The following NRXN3 variants were observed in gnomAD, a reference collection of about 807,000 sequenced individuals.
The protein encoded by NRXN3 is neurexin 3, also known as neurexin III.
NRXN3 carries 32 observed loss-of-function variants against 137.6 expected under a neutral mutation model. The observed-to-expected ratio is 0.23, with a 90% CI of 0.18 to 0.31. The LOEUF (loss-of-function observed/expected upper bound fraction) is 0.31. Ranked by LOEUF, NRXN3 falls within the 10% of genes least tolerant of loss-of-function variation. The pLI is 1.00. For missense variants in NRXN3, 1,574 were observed against 2,062.5 expected, an observed-to-expected ratio of 0.76 and a Z score of 4.59; for synonymous variants, 798 against 784.5, an observed-to-expected ratio of 1.02 and a Z score of -0.29.
intron 2 of NRXN3, among the ~76,000 whole-genome samples, chr14:78,266,458 C>T (rs911703671): frequency 3.3e-5 from 5 of 152,068 alleles, no homozygotes; most frequent in African/African-American, 1.2e-4. Context: ...ACCACCACGC[C>T]CAGCTAATTT....
intron 4 of NRXN3, among the ~76,000 whole-genome samples, chr14:78,642,571 A>G (rs920319657): frequency 3.3e-5 from 5 of 152,180 alleles, no homozygotes; most frequent in Admixed American, 2.0e-4. Context: ...GACACCCATT[A>G]ATATACCACT....
intron 15 of NRXN3, among the ~76,000 whole-genome samples, chr14:79,463,664 A>G (rs1384523705): frequency 6.6e-6 from 1 of 152,072 alleles, no homozygotes; most frequent in Non-Finnish European, 1.5e-5. Flanking sequence ...TACTATAGCA[A>G]TTTTTTCTTC....
At chr14:79,045,015 C>T (rs1293624398) in intron 15 of NRXN3, among the ~76,000 whole-genome samples, 1 of 152,080 alleles carries the variant, frequency 6.6e-6, no homozygotes, top group Non-Finnish European at 1.5e-5. Context: ...GTCATAAAAA[C>T]CATGGCGTCT....
chr14:79,678,926 G>A (rs1354291267), intron 17 of NRXN3, among the ~76,000 whole-genome samples: 4 of 152,004 alleles, frequency 2.6e-5, no homozygotes, highest in African/African-American at 7.2e-5. Flanking sequence ...CACCCGGTCC[G>A]TTTCCCTGCT....
intron 15 of NRXN3, among the ~76,000 whole-genome samples, chr14:79,056,131 T>C (rs1262868785): frequency 6.6e-6 from 1 of 152,158 alleles, no homozygotes; most frequent in African/African-American, 2.4e-5. Flanking sequence ...TAGGAATGCA[T>C]AGAAGAACAC....
At chr14:79,743,304 C>T (rs1045088561) in intron 19 of NRXN3, among the ~76,000 whole-genome samples, 2 of 152,078 alleles carry the variant, frequency 1.3e-5, no homozygotes, top group Non-Finnish European at 2.9e-5. Context: ...CTTCATTTTT[C>T]CCTCATTAAA....
At chr14:79,013,156 C>A (rs2152406674) in intron 15 of NRXN3, among the ~76,000 whole-genome samples, 1 of 152,224 alleles carries the variant, frequency 6.6e-6, no homozygotes, top group Non-Finnish European at 1.5e-5. Context: ...GAAATTCCAG[C>A]AATTCAGAAA....
chr14:79,478,294 C>T (rs943499567), intron 16 of NRXN3, among the ~76,000 whole-genome samples: 3 of 151,318 alleles, frequency 2.0e-5, no homozygotes, highest in Non-Finnish European at 2.9e-5. Flanking sequence ...TAGGGGATAA[C>T]CTAGATAGTG....
intron 10 of NRXN3, among the ~76,000 whole-genome samples, chr14:78,814,545 G>A (rs1337404818): frequency 1.3e-5 from 2 of 152,194 alleles, no homozygotes; most frequent in Non-Finnish European, 2.9e-5. Flanking sequence ...AATCCAGGAG[G>A]CGGAGGTTGC....
chr14:78,658,185 A>G (rs2152668019), intron 6 of NRXN3, among the ~76,000 whole-genome samples: 1 of 152,294 alleles, frequency 6.6e-6, no homozygotes, highest in East Asian at 1.9e-4. Context: ...TGAGGCTTTT[A>G]GAATCAACAT....
chr14:79,476,323 G>T (rs1375180747), intron 16 of NRXN3, among the ~76,000 whole-genome samples: 2 of 152,016 alleles, frequency 1.3e-5, no homozygotes, highest in Non-Finnish European at 2.9e-5. Flanking sequence ...AACTACATTA[G>T]CCTCACAGAT....
At chr14:79,718,758 A>AT (rs953418134) in intron 19 of NRXN3, among the ~76,000 whole-genome samples, 9 of 151,572 alleles carry the variant, frequency 5.9e-5, no homozygotes, top group South Asian at 2.1e-4. Flanking sequence ...GCAGTTTTTA[A>AT]TTTTTTTTTA....
chr14:78,915,935 T>A (rs908874530), intron 10 of NRXN3, among the ~76,000 whole-genome samples: 3 of 152,164 alleles, frequency 2.0e-5, no homozygotes, highest in African/African-American at 7.2e-5. Context: ...TAGTGCAGAC[T>A]GTAATTCAAT....
chr14:78,873,869 T>C (rs1043630879), intron 10 of NRXN3, among the ~76,000 whole-genome samples: 1 of 152,136 alleles, frequency 6.6e-6, no homozygotes, highest in African/African-American at 2.4e-5. Context: ...GAAAGGATTT[T>C]ATTAGAAAAA....
intron 10 of NRXN3, among the ~76,000 whole-genome samples, chr14:78,894,518 A>T (rs2099167965): frequency 6.6e-6 from 1 of 151,852 alleles, no homozygotes; most frequent in Non-Finnish European, 1.5e-5. Flanking sequence ...TACTTTCTCC[A>T]CTGATGTTTT....
At chr14:79,000,322 G>T (rs1355371385) in intron 15 of NRXN3, among the ~76,000 whole-genome samples, 2 of 152,140 alleles carry the variant, frequency 1.3e-5, no homozygotes, top group East Asian at 1.9e-4. Flanking sequence ...CTTCTGAGAT[G>T]ATTTTTCTAT....
intron 4 of NRXN3, among the ~76,000 whole-genome samples, chr14:78,333,379 G>A (rs568182016): frequency 2.6e-5 from 4 of 152,274 alleles, no homozygotes; most frequent in African/African-American, 9.6e-5. Context: ...CACCATTCTA[G>A]GAATTGAGGA....
intron 15 of NRXN3, among the ~76,000 whole-genome samples, chr14:79,206,295 C>G (rs549253233): frequency 6.6e-6 from 1 of 152,254 alleles, no homozygotes; most frequent in African/African-American, 2.4e-5. Flanking sequence ...CCTTCGGAGG[C>G]AGGTAATATT....
At chr14:78,502,862 G>T (rs2153777289) in intron 4 of NRXN3, among the ~76,000 whole-genome samples, 1 of 152,284 alleles carries the variant, frequency 6.6e-6, no homozygotes, top group Non-Finnish European at 1.5e-5. Flanking sequence ...GAGTAGCAGT[G>T]GTTGGCTGCT....
Sources: allele counts gnomAD v4.1 joint callset (sites outside exome capture counted in the v4.1 genomes callset), GRCh38; gene constraint gnomAD v4.1.1; transcripts MANE v1.5; gene names NCBI Gene and HGNC (gene_info 2026-07-23, HGNC 2026-07-21).